ELL2: variants seen among roughly 807,000 people sequenced by gnomAD.
ELL2 encodes the protein RNA polymerase II elongation factor ELL2.
ELL2 carries 21 observed loss-of-function variants against 72.8 expected under a neutral mutation model. The observed-to-expected ratio is 0.29, with a 90% CI of 0.20 to 0.42. ELL2 has a LOEUF of 0.42. Ranked by LOEUF, ELL2 falls within the 10% of genes least tolerant of loss-of-function variation. ELL2 has a pLI of 1.00. For missense variants in ELL2, 568 were observed against 772.8 expected (o/e 0.73, Z 3.14); for synonymous variants, 266 against 283.2 (o/e 0.94, Z 0.61).
intron 2 of ELL2, among the ~76,000 whole-genome samples, chr5:95,927,389 A>ATATAGACACACACACACACGTGTG (rs1750335481): frequency 2.4e-5 from 1 of 42,384 alleles, no homozygotes; most frequent in African/African-American, 1.9e-4. Flanking sequence ...ACACGTGTGT[A>ATATAGACACACACACACACGTGTG]TATATAGACA....
At chr5:95,915,699 AG>A (rs1749766266) in intron 3 of ELL2, among the ~76,000 whole-genome samples, 1 of 152,216 alleles carries the variant, frequency 6.6e-6, no homozygotes. Flanking sequence ...GTGATGCCTG[AG>A]GTGATCTAGA....
chr5:95,902,437 G>A (rs1262926316), intron 5 of ELL2, among the ~76,000 whole-genome samples: 2 of 152,090 alleles, frequency 1.3e-5, no homozygotes, highest in African/African-American at 4.8e-5. Flanking sequence ...CTAGAGTTTC[G>A]CGGCTTAGCC....
chr5:95,930,683 T>C (rs1750564313), intron 2 of ELL2, among the ~76,000 whole-genome samples: 1 of 152,180 alleles, frequency 6.6e-6, no homozygotes, highest in African/African-American at 2.4e-5. Flanking sequence ...TCAGAAATGC[T>C]CTAGTTAAGG....
rs76740887 is a variant in ELL2, at chr5:95,901,674, T to C, written c.742-594A>G. Among the ~76,000 whole-genome samples the C allele has an allele frequency of 4.2e-3, 644 of 152,316 alleles. 8 individuals are homozygous for C. Among genetic ancestry groups the C allele is most frequent in the African/African-American group, 0.015 (619 of 41,572 alleles). On this transcript the variant is annotated intron_variant, in intron 5 of 11. Transcript: ENST00000237853. Reference sequence around the variant, plus strand: ...GATTACTTGAACACAAGTACTATGATATTACAACAGTCGATTTGAAAACGG... The same window carrying C: ...GATTACTTGAACACAAGTACTATGACATTACAACAGTCGATTTGAAAACGG...
In ELL2 at chr5:95,946,032, C is replaced by T. The variant is rs189534514; in HGVS notation, c.148-2983G>A. Among the ~76,000 whole-genome samples, 675 of 152,244 alleles carry T rather than the reference C, an allele frequency of 4.4e-3. 2 individuals carry two copies. The highest frequency in any genetic ancestry group is 0.027 in the Middle Eastern group (8 of 294). On this transcript the variant is annotated intron_variant, in intron 1 of 11. Transcript: ENST00000237853. The stretch of plus-strand genomic sequence containing the variant: ...CCCTCACTGATGGGTTTTACTCTTG[C>T]CTTTAACTTGATAAACTATTGGAGG...
chr5:95,927,388 TATATATAGACATACACACAC>T (rs1750335012), intron 2 of ELL2, among the ~76,000 whole-genome samples: 2 of 46,686 alleles, frequency 4.3e-5, no homozygotes, highest in Non-Finnish European at 7.2e-5. Context: ...CACACGTGTG[TATATATAGACATACACACAC>T]GTGTGTATAT....
chr5:95,897,058 A>G (rs1475427562), intron 8 of ELL2, among the ~76,000 whole-genome samples: 1 of 152,248 alleles, frequency 6.6e-6, no homozygotes. Context: ...GTGCCATTAC[A>G]TAGTATTATA....
rs747130257 is a variant in ELL2, at chr5:95,906,702, G to A, written c.562C>T (p.Pro188Ser). The A allele has an allele frequency of 1.2e-6, 2 of 1,614,012 alleles. No homozygotes were observed. Among genetic ancestry groups the A allele is most frequent in the East Asian group, 4.5e-5 (2 of 44,880 alleles). Residue 188 changes from proline (P) to serine (S), a missense_variant, in exon 5 of 12, where the codon CCT becomes TCT. This residue lies in a region of ELL2 where 511 missense variants were observed against 728.4 expected (regional missense o/e 0.70). Coordinates refer to ENST00000237853, the MANE Select transcript of ELL2 (RefSeq NM_012081.6). The part of the protein sequence containing the change: ...PERKRSTPMN[P>S]ANTIRKTHSS... ...TGTGTCTTTCGAATTGTATTTGCAG[G>A]GTTCATGGGGGTTGACCTTTTCCTC... is the stretch of plus-strand genomic sequence containing the variant.
At chr5:95,902,076 C>A (rs11738768) in intron 5 of ELL2, among the ~76,000 whole-genome samples, 44,076 of 152,126 alleles carry the variant, frequency 0.29, 6,522 homozygotes, top group East Asian at 0.41. Flanking sequence ...TTATTTACTT[C>A]TGGGCAATTG....
intron 1 of ELL2, among the ~76,000 whole-genome samples, chr5:95,948,696 C>T (rs1368928043): frequency 6.6e-6 from 1 of 152,136 alleles, no homozygotes; most frequent in African/African-American, 2.4e-5. Context: ...TCAGGTAAGG[C>T]TTCAACTTTT....
chr5:95,921,254 T>G (rs1197432424), intron 2 of ELL2, among the ~76,000 whole-genome samples: 1 of 152,204 alleles, frequency 6.6e-6, no homozygotes, highest in Admixed American at 6.5e-5. Flanking sequence ...AAATGTTTTT[T>G]GAAAGGAGAT....
At chr5:95,943,233 C>A (rs570373081) in intron 1 of ELL2, among the ~76,000 whole-genome samples, 184 bp from the exon 2 acceptor site, 56 of 142,720 alleles carry the variant, frequency 3.9e-4, no homozygotes, top group African/African-American at 1.4e-3. Flanking sequence ...CCAGCCTGGG[C>A]AATACAGTGA....
chr5:95,901,461 C>A (rs1749139676), intron 5 of ELL2, among the ~76,000 whole-genome samples: 1 of 152,130 alleles, frequency 6.6e-6, no homozygotes, highest in African/African-American at 2.4e-5. Flanking sequence ...CCAGTCGATG[C>A]CTAAAAACTC....
chr5:95,953,555 G>A (rs1453421664), intron 1 of ELL2, among the ~76,000 whole-genome samples: 1 of 152,212 alleles, frequency 6.6e-6, no homozygotes, highest in Non-Finnish European at 1.5e-5. Flanking sequence ...CTACACCCTT[G>A]AATAAGCTCA....
intron 2 of ELL2, among the ~76,000 whole-genome samples, chr5:95,932,369 G>C (rs1483690994): frequency 6.6e-6 from 1 of 152,118 alleles, no homozygotes; most frequent in Non-Finnish European, 1.5e-5. Context: ...AGATTTCTAA[G>C]GATGGTTAGG....
At chr5:95,943,245 A>G (rs1346022049) in intron 1 of ELL2, among the ~76,000 whole-genome samples, 196 bp from the exon 2 acceptor site, 1 of 148,788 alleles carries the variant, frequency 6.7e-6, no homozygotes, top group Non-Finnish European at 1.5e-5. Flanking sequence ...ATACAGTGAG[A>G]CCTCCCCCTC....
chr5:95,905,741 T>C (rs1433289191), intron 5 of ELL2, among the ~76,000 whole-genome samples: 1 of 136,684 alleles, frequency 7.3e-6, no homozygotes, highest in African/African-American at 2.8e-5. Context: ...GATCAAAACC[T>C]GTAGGGTTTT....
At chr5:95,957,686 A>G (rs1751670594) in intron 1 of ELL2, among the ~76,000 whole-genome samples, 1 of 152,216 alleles carries the variant, frequency 6.6e-6, no homozygotes, top group South Asian at 2.1e-4. Flanking sequence ...AAGGCTCCCA[A>G]GATCACTTCT....
intron 2 of ELL2, among the ~76,000 whole-genome samples, chr5:95,931,241 T>C (rs540488652): frequency 6.6e-6 from 1 of 152,134 alleles, no homozygotes; most frequent in Admixed American, 6.5e-5. Context: ...TTTCCATACT[T>C]GTAAAATGTA....
Sources: allele counts gnomAD v4.1 joint callset (sites outside exome capture counted in the v4.1 genomes callset), GRCh38; gene constraint gnomAD v4.1.1; regional missense constraint gnomAD v4.1.1; transcripts MANE v1.5; gene names NCBI Gene and HGNC (gene_info 2026-07-23, HGNC 2026-07-21).